The following VOPP1 variants were observed in gnomAD, a reference collection of about 807,000 sequenced individuals.
VOPP1 encodes the protein VOPP1 WW domain binding protein, also known as WW domain binding protein VOPP1.
VOPP1 carries 8 observed loss-of-function variants against 23.5 expected under a neutral mutation model. The ratio of observed to expected loss-of-function variants is 0.34; its 90% confidence interval spans 0.20 to 0.61. The LOEUF is 0.61. Ranked by LOEUF, VOPP1 falls within the 20% of genes least tolerant of loss-of-function variation. The probability of loss-of-function intolerance (pLI) is 0.78; values close to 1 mark genes in which losing one functional copy is unlikely to be tolerated. For synonymous variants in VOPP1, 83 were observed against 97.3 expected (o/e 0.85, Z 0.86); for missense variants, 174 against 238.1 (o/e 0.73, Z 1.77).
At position 55,566,530 on chromosome 7, in the gene VOPP1, C is replaced by G. The variant is rs143714062; in HGVS notation, c.54+5741G>C. On this transcript the variant is annotated intron_variant, in intron 1 of 4. Coordinates refer to ENST00000285279, the MANE Select transcript of VOPP1 (RefSeq NM_030796.5). Reference sequence around the variant, plus strand: ...TGAGCCGAGATCATGCCACTGCACTCCAGCCTAGGCGACAGAGGGAGACCA... The same window carrying G: ...TGAGCCGAGATCATGCCACTGCACTGCAGCCTAGGCGACAGAGGGAGACCA... Among the ~76,000 whole-genome samples the G allele has an allele frequency of 3.4e-3, 511 of 152,218 alleles. 3 individuals carry two copies. Among genetic ancestry groups the G allele is most frequent in the African/African-American group, 0.011 (469 of 41,514 alleles).
intron 4 of VOPP1, among the ~76,000 whole-genome samples, chr7:55,459,965 T>C (rs1791457158): frequency 6.6e-6 from 1 of 152,186 alleles, no homozygotes; most frequent in African/African-American, 2.4e-5. Context: ...AGGCTGTTTA[T>C]TTAAAATATT....
chr7:55,556,004 A>C (rs1363799545), intron 1 of VOPP1, among the ~76,000 whole-genome samples: 1 of 152,164 alleles, frequency 6.6e-6, no homozygotes. Flanking sequence ...CTCTCTAATA[A>C]CCTGTATATG....
At chr7:55,504,273 GAGCCCGC>G (rs1448173615) in intron 2 of VOPP1, among the ~76,000 whole-genome samples, 1 of 152,188 alleles carries the variant, frequency 6.6e-6, no homozygotes, top group Non-Finnish European at 1.5e-5. Flanking sequence ...CCACAGAGCT[GAGCCCGC>G]AGCACATACT....
intron 1 of VOPP1, among the ~76,000 whole-genome samples, chr7:55,550,669 C>G (rs187036080): frequency 6.6e-6 from 1 of 152,204 alleles, no homozygotes; most frequent in Non-Finnish European, 1.5e-5. Flanking sequence ...TTAGCCCTAT[C>G]GCGAAGGATT....
rs374585522 is a variant in VOPP1, at chr7:55,497,588, G to A, written c.191+25C>T. 78 of 1,528,342 alleles carry A rather than the reference G, an allele frequency of 5.1e-5. No individual in the cohort carries two copies. In the African/African-American group the frequency reaches 8.4e-4, roughly 16 times the overall value. The allele number at this position is 1,528,342 out of a possible 1,614,324, so 94.7% of individuals were successfully genotyped here. A position where few individuals can be genotyped will look rare whatever the true frequency, so the allele number is the denominator to read the frequency against. On this transcript the variant is annotated intron_variant, in intron 3 of 4. Transcript: ENST00000285279. ...GGGGGGGGCAGAGCTCTCGGGGTAG[G>A]GAACAAGGAGGAGTTGTGACCTACC...
At chr7:55,483,638 C>T (rs915520674) in intron 4 of VOPP1, among the ~76,000 whole-genome samples, 5 of 152,004 alleles carry the variant, frequency 3.3e-5, no homozygotes, top group East Asian at 1.9e-4. Context: ...CCTTTGACCC[C>T]GCCCCTTCTT....
At chr7:55,517,866 G>A (rs1342940344) in intron 2 of VOPP1, among the ~76,000 whole-genome samples, 1 of 152,176 alleles carries the variant, frequency 6.6e-6, no homozygotes, top group Non-Finnish European at 1.5e-5. Context: ...CAGCTTTGGA[G>A]AAGACAGTTT....
chr7:55,541,981 G>A (rs1438861193), intron 1 of VOPP1, among the ~76,000 whole-genome samples: 1 of 152,160 alleles, frequency 6.6e-6, no homozygotes, highest in Non-Finnish European at 1.5e-5. Context: ...TCCAAAATTG[G>A]ATTGTGATGA....
intron 1 of VOPP1, among the ~76,000 whole-genome samples, chr7:55,538,859 T>C (rs946818424): frequency 1.3e-5 from 2 of 150,822 alleles, no homozygotes; most frequent in African/African-American, 2.4e-5. Flanking sequence ...GAACACTGTC[T>C]ATAATATGAT....
intron 1 of VOPP1, among the ~76,000 whole-genome samples, chr7:55,535,382 G>C (rs978699391): frequency 1.3e-5 from 2 of 152,200 alleles, no homozygotes; most frequent in African/African-American, 4.8e-5. Flanking sequence ...AGTGAGCTCA[G>C]AGGGCACTGG....
intron 1 of VOPP1, chr7:55,553,756 TACAC>T (rs59300549): frequency 0.11 from 14,547 of 138,294 alleles, 1,361 homozygotes; most frequent in African/African-American, 0.26. Flanking sequence ...CCCTGCACTC[TACAC>T]ACACACACAC....
chr7:55,504,677 G>GC (rs1406902862), intron 2 of VOPP1, among the ~76,000 whole-genome samples: 1 of 152,226 alleles, frequency 6.6e-6, no homozygotes, highest in African/African-American at 2.4e-5. Context: ...TCCAAGGCAG[G>GC]CCCCACTAGG....
intron 1 of VOPP1, among the ~76,000 whole-genome samples, chr7:55,571,451 C>T (rs1475754126): frequency 6.6e-6 from 1 of 152,186 alleles, no homozygotes; most frequent in Non-Finnish European, 1.5e-5. Context: ...AATAATGAAA[C>T]TAAGGAGAAA....
Position 55,497,553 on chromosome 7 carries a change from ATGG to A in VOPP1, c.191+57_191+59del, listed in dbSNP as rs765114951. The A allele has an allele frequency of 1.6e-3, 1,459 of 936,234 alleles. 5 individuals carry two copies. The highest frequency in any genetic ancestry group is 7.4e-3 in the Middle Eastern group (22 of 2,960). The allele number at this position is 936,234 out of a possible 1,614,324, so 58.0% of individuals were successfully genotyped here. ...CGCATCCAAGGCTGTGACAACACTG[ATGG>A]GGGGGGGGGGGGGGCAGAGCTCTCG... On this transcript the variant is annotated intron_variant, in intron 3 of 4. Coordinates refer to ENST00000285279, the MANE Select transcript of VOPP1 (RefSeq NM_030796.5).
At chr7:55,515,375 C>T (rs1795336573) in intron 2 of VOPP1, among the ~76,000 whole-genome samples, 1 of 152,174 alleles carries the variant, frequency 6.6e-6, no homozygotes. Context: ...TGACTGGCAG[C>T]GAGGTGAGTT....
chr7:55,498,662 TC>T (rs1794153350), intron 2 of VOPP1, among the ~76,000 whole-genome samples: 1 of 152,198 alleles, frequency 6.6e-6, no homozygotes. Flanking sequence ...TGATCTAGGT[TC>T]CTGCCAGTTT....
chr7:55,551,212 G>C (rs1797593125), intron 1 of VOPP1, among the ~76,000 whole-genome samples: 1 of 152,194 alleles, frequency 6.6e-6, no homozygotes, highest in Non-Finnish European at 1.5e-5. Flanking sequence ...TCGCTACCAA[G>C]AAGACAAGCA....
At chr7:55,515,395 C>A (rs1174982468) in intron 2 of VOPP1, among the ~76,000 whole-genome samples, 1 of 152,202 alleles carries the variant, frequency 6.6e-6, no homozygotes, top group Non-Finnish European at 1.5e-5. Context: ...TTGTCCCCTG[C>A]AGCAGAGGTC....
intron 4 of VOPP1, among the ~76,000 whole-genome samples, chr7:55,478,128 C>G (rs937172333): frequency 6.6e-6 from 1 of 152,208 alleles, no homozygotes; most frequent in African/African-American, 2.4e-5. Flanking sequence ...ACTTCATTCT[C>G]TGCATGAAGC....
Sources: gnomAD v4.1 joint callset for allele counts (sites outside exome capture counted in the v4.1 genomes callset) on GRCh38, gnomAD v4.1.1 for gene constraint, MANE v1.5 for transcripts, NCBI Gene and HGNC (gene_info 2026-07-23, HGNC 2026-07-21) for gene names.